Variants in DIP2A observed in about 807,000 individuals in gnomAD.
The protein encoded by DIP2A is DIP2 acetate--CoA ligase A, also known as disco-interacting protein 2 homolog A.
Under a neutral mutation model 177.4 loss-of-function variants are expected in DIP2A, and 85 were observed. That is an observed-to-expected ratio of 0.48 (90% CI 0.40 to 0.57). The LOEUF is 0.57. Ranked by LOEUF, DIP2A falls within the 20% of genes least tolerant of loss-of-function variation. The pLI is 0.00. For synonymous variants in DIP2A, 886 were observed against 881.8 expected (o/e 1.00, Z -0.08); for missense variants, 1,791 against 2,100.2 (o/e 0.85, Z 2.88).
At chr21:46,570,916 C>G (rs895957234), downstream of DIP2A, among the ~76,000 whole-genome samples, 3 of 152,138 alleles carry the variant, frequency 2.0e-5, no homozygotes, top group Non-Finnish European at 4.4e-5. Flanking sequence ...CACACAGATA[C>G]CAACATTTCA....
Position 46,541,752 on chromosome 21 carries a change from C to T in DIP2A, c.2037-4C>T. The T allele has an allele frequency of 6.2e-7, 1 of 1,613,842 alleles. No individual in the cohort carries two copies. On this transcript the variant is annotated splice_region_variant and splice_polypyrimidine_tract_variant and intron_variant, in intron 17 of 37. Coordinates refer to ENST00000417564, the MANE Select transcript of DIP2A (RefSeq NM_015151.4). The stretch of plus-strand genomic sequence containing the variant: ...GTTAAACCCATGGTGGTTTTATTTT[C>T]TAGGCCACCTGATCTGGGAGGACCA...
intron 1 of DIP2A, among the ~76,000 whole-genome samples, chr21:46,459,734 C>G (rs2054130611): frequency 1.3e-5 from 2 of 151,750 alleles, no homozygotes; most frequent in Admixed American, 1.3e-4. Context: ...GACTCCTCCC[C>G]CCAGGCCCTT....
At chr21:46,533,457 C>T in intron 10 of DIP2A, 67 bp from the exon 11 acceptor site, 1 of 1,560,060 alleles carries the variant, frequency 6.4e-7, no homozygotes, top group East Asian at 2.3e-5. Flanking sequence ...TGGCCTGGAG[C>T]ACCAAGGGTC....
chr21:46,554,786 G>GGGGGGGGGGGGCCCCCCCCCCCCCCCC, intron 27 of DIP2A, 36 bp from the exon 28 acceptor site: 4 of 1,519,110 alleles, frequency 2.6e-6, no homozygotes, highest in Non-Finnish European at 3.5e-6. Flanking sequence ...AGCTTGAGAG[G>GGGGGGGGGGGGCCCCCCCCCCCCCCCC]CCCCGCCCAC....
chr21:46,565,429 G>A (rs2060806045), intron 35 of DIP2A, among the ~76,000 whole-genome samples: 2 of 152,220 alleles, frequency 1.3e-5, no homozygotes, highest in South Asian at 4.1e-4. Context: ...TGGATGTGAG[G>A]AAGGTGGAAT....
Position 46,544,872 on chromosome 21 carries a change from A to G in DIP2A, c.2177-265A>G, listed in dbSNP as rs558078964. On this transcript the variant is annotated intron_variant, in intron 18 of 37. Coordinates refer to ENST00000417564, the MANE Select transcript of DIP2A (RefSeq NM_015151.4). ...GTTTATTTATCGTAGTACAGGAAAT[A>G]TTTTGTCAGCCGGGGCTTATTACAT... Among the ~76,000 whole-genome samples the G allele has an allele frequency of 3.3e-4, 50 of 152,224 alleles. 1 individual carries two copies. In the South Asian group the frequency reaches 1.0e-2, roughly 30 times the overall value.
chr21:46,571,579 CA>C (rs1425832615), downstream of DIP2A, among the ~76,000 whole-genome samples: 1 of 152,136 alleles, frequency 6.6e-6, no homozygotes, highest in Non-Finnish European at 1.5e-5. Flanking sequence ...TTCCCTTGTG[CA>C]GTGGTTTGTA....
rs2059382273 is a variant in DIP2A at position 46,532,179 on chromosome 21, A to T, written c.1247A>T (p.Tyr416Phe). 9 of 1,613,932 alleles carry T rather than the reference A, an allele frequency of 5.6e-6. No homozygotes were observed. The highest frequency in any genetic ancestry group is 7.6e-6 in the Non-Finnish European group (9 of 1,179,862). Residue 416 changes from tyrosine to phenylalanine, a missense_variant, in exon 10 of 38, where the codon TAT (tyrosine) becomes TTT (phenylalanine). Tyr to Phe is a conservative substitution (Grantham distance 22, BLOSUM62 3). Transcript: ENST00000417564. ...SDPVMFMVAF[Y>F]GCLLAELVPV... ...CCTGTGATGTTCATGGTTGCATTTT[A>T]TGGGTGTCTCCTGGCAGAGCTGGTT...
chr21:46,565,336 T>A (rs2060803102), intron 35 of DIP2A, among the ~76,000 whole-genome samples: 1 of 152,184 alleles, frequency 6.6e-6, no homozygotes, highest in South Asian at 2.1e-4. Flanking sequence ...CGCTCTCCAC[T>A]CTGTAAGAAC....
chr21:46,540,226 G>A (rs760757577), intron 17 of DIP2A, among the ~76,000 whole-genome samples: 1 of 152,118 alleles, frequency 6.6e-6, no homozygotes, highest in Non-Finnish European at 1.5e-5. Context: ...TTTCCTGAGT[G>A]CTTCCCAAAT....
chr21:46,563,383 C>T lies in DIP2A; in HGVS notation c.4090-475C>T, dbSNP rs1056850220. Among the ~76,000 whole-genome samples, 4 of 152,320 alleles carry T rather than the reference C, an allele frequency of 2.6e-5. No homozygotes were observed. Among genetic ancestry groups the T allele is most frequent in the Admixed American group, 6.5e-5 (1 of 15,306 alleles). Reference sequence around the variant, plus strand: ...GGGAGGCCAGGTAAGAGATGGTGGCCTCTTGCCGTCCTGAATTGGCACAGA... The same window carrying T: ...GGGAGGCCAGGTAAGAGATGGTGGCTTCTTGCCGTCCTGAATTGGCACAGA... On this transcript the variant is annotated intron_variant, in intron 34 of 37. Coordinates refer to ENST00000417564, the MANE Select transcript of DIP2A (RefSeq NM_015151.4). The surrounding 1 kb of genome is among the most constrained non-coding windows in gnomAD (Gnocchi z 4.3).
chr21:46,509,044 A>C (rs868500153), intron 6 of DIP2A, among the ~76,000 whole-genome samples: 46 of 152,028 alleles, frequency 3.0e-4, no homozygotes, highest in Admixed American at 5.9e-4. Context: ...ACAAAAAAAA[A>C]CCTGCTAGCT....
intron 8 of DIP2A, among the ~76,000 whole-genome samples, chr21:46,514,002 G>A (rs2058431203): frequency 6.6e-6 from 1 of 152,052 alleles, no homozygotes; most frequent in African/African-American, 2.4e-5. Flanking sequence ...TGTCAGTAAT[G>A]TTTTTATACT....
At chr21:46,516,965 A>C (rs1005512331) in intron 8 of DIP2A, among the ~76,000 whole-genome samples, 1 of 151,002 alleles carries the variant, frequency 6.6e-6, no homozygotes, top group African/African-American at 2.4e-5. Flanking sequence ...GAATACACAC[A>C]TTAATTATTG....
chr21:46,534,091 G>A lies in DIP2A; in HGVS notation c.1517G>A (p.Gly506Glu). 6.2e-7 allele frequency: 1 copy of A among 1,613,696 alleles called. No individual in the cohort carries two copies. Among genetic ancestry groups the A allele is most frequent in the South Asian group, 1.1e-5 (1 of 91,016 alleles). ...TGGCACCCTCTGGCCCAGGACACAG[G>A]GACTGGGACTGCCTACATTGAGGTA... ...KDWHPLAQDT[G>E]TGTAYIEYKT... is the part of the protein sequence containing the mutation. Residue 506 changes from glycine to glutamate, a missense_variant, in exon 12 of 38, where the codon GGG becomes GAG. Physicochemically the swap from Gly to Glu is moderately conservative, Grantham distance 98. Coordinates refer to ENST00000417564, the MANE Select transcript of DIP2A (RefSeq NM_015151.4).
At chr21:46,470,335 G>A (rs1309558075) in intron 1 of DIP2A, among the ~76,000 whole-genome samples, 3 of 152,130 alleles carry the variant, frequency 2.0e-5, no homozygotes, top group East Asian at 1.9e-4. Flanking sequence ...TTAGCCAGGC[G>A]TGGTGGCACA....
At chr21:46,531,776 T>C (rs1470408342) in intron 9 of DIP2A, among the ~76,000 whole-genome samples, 1 of 152,262 alleles carries the variant, frequency 6.6e-6, no homozygotes, top group African/African-American at 2.4e-5. Context: ...TAGGTTACAT[T>C]CTGGGCAACC....
At position 46,557,178 on chromosome 21, in the gene DIP2A, G is replaced by A; in HGVS notation, c.3629+109G>A. On this transcript the variant is annotated intron_variant, in intron 30 of 37. Transcript: ENST00000417564. The surrounding 1 kb of genome is among the most constrained non-coding windows in gnomAD (Gnocchi z 6.0). ...TGGGTGCTCAGGAAGCCGATGAGATGTGTGTGAGTGGGTTTGTTTGGGGAT... is the reference window on the plus strand; with the variant it reads ...TGGGTGCTCAGGAAGCCGATGAGATATGTGTGAGTGGGTTTGTTTGGGGAT... The A allele has an allele frequency of 7.8e-7, 1 of 1,281,858 alleles. No homozygotes were observed. The highest frequency in any genetic ancestry group is 1.6e-5 in the South Asian group (1 of 64,118). The allele number at this position is 1,281,858 out of a possible 1,614,324, so 79.4% of individuals were successfully genotyped here.
chr21:46,473,140 C>T (rs1278070953), intron 1 of DIP2A, among the ~76,000 whole-genome samples: 1 of 152,160 alleles, frequency 6.6e-6, no homozygotes, highest in Non-Finnish European at 1.5e-5. Context: ...CCTACCACTG[C>T]TCTCGACAAA....
Sources: gnomAD v4.1 joint callset for allele counts (sites outside exome capture counted in the v4.1 genomes callset) on GRCh38, gnomAD v4.1.1 for gene constraint, Gnocchi (gnomAD v3.1) non-coding constraint, MANE v1.5 for transcripts, NCBI Gene and HGNC (gene_info 2026-07-23, HGNC 2026-07-21) for gene names.